Variants in GEMIN5 observed in about 807,000 individuals in gnomAD.
GEMIN5 encodes the protein gem-associated protein 5.
A neutral mutation model predicts 176.9 loss-of-function variants in GEMIN5; 124 were observed. That is an observed-to-expected ratio of 0.70 (90% CI 0.61 to 0.81). GEMIN5 has a LOEUF of 0.81. GEMIN5 is among the 40% of genes least tolerant of loss of function. The probability of loss-of-function intolerance (pLI) is 0.00; values close to 1 mark genes in which losing one functional copy is unlikely to be tolerated. For synonymous variants in GEMIN5, 673 were observed against 665.2 expected (o/e 1.01, Z -0.18); for missense variants, 1,843 against 1,814.6 (o/e 1.02, Z -0.28).
intron 26 of GEMIN5, among the ~76,000 whole-genome samples, chr5:154,890,279 CTTGAA>C (rs930573667): frequency 6.6e-6 from 1 of 152,166 alleles, no homozygotes; most frequent in African/African-American, 2.4e-5. Context: ...TTTGCCCATC[CTTGAA>C]TTGGATTATC....
In GEMIN5 at chr5:154,931,469, G is replaced by C. The variant is rs757909782; in HGVS notation, c.770C>G (p.Ser257Cys). 1 of 1,610,968 alleles carries C rather than the reference G, an allele frequency of 6.2e-7. No homozygotes were observed. The highest frequency in any genetic ancestry group is 8.5e-7 in the Non-Finnish European group (1 of 1,177,762). The stretch of plus-strand genomic sequence containing the variant: ...AAGATCAATCTTACCTCGGCCTCTA[G>C]AACAGCTCCAGATTCGAATGGTTTG... ...KDQTIRIWSC[S>C]RGRGVMILKL... The change falls in exon 5 of 28, where the codon TCT becomes TGT. Residue 257 changes from serine (S) to cysteine (C), a missense_variant. Physicochemically the swap from Ser to Cys is moderately radical, Grantham distance 112. Transcript: ENST00000285873.
At chr5:154,918,997 C>G (rs768956317) in intron 11 of GEMIN5, among the ~76,000 whole-genome samples, 1 of 152,108 alleles carries the variant, frequency 6.6e-6, no homozygotes, top group Admixed American at 6.5e-5. Context: ...GCTGAGATCG[C>G]ACCACCGCAC....
In GEMIN5 at chr5:154,927,614, GAC is replaced by G. The variant is rs1245574631; in HGVS notation, c.915-66_915-65del. Reference sequence around the variant, plus strand: ...CGATCTGAAAACAAGTGACTGTTGAGACAGAGTCTGGGCTCATAGCTGCAAAA... The same window carrying G: ...CGATCTGAAAACAAGTGACTGTTGAGAGAGTCTGGGCTCATAGCTGCAAAA... On this transcript the variant is annotated intron_variant, in intron 6 of 27. Coordinates refer to ENST00000285873, the MANE Select transcript of GEMIN5 (RefSeq NM_015465.5). The G allele has an allele frequency of 4.8e-6, 6 of 1,262,482 alleles. No individual in the cohort carries two copies. In the African/African-American group the frequency reaches 8.8e-5, roughly 19 times the overall value. 78.2% of individuals were successfully genotyped at this position (1,262,482 alleles called of 1,614,324 possible). A position where few individuals can be genotyped will look rare whatever the true frequency, so the allele number is the denominator to read the frequency against.
intron 12 of GEMIN5, 81 bp from the exon 13 acceptor site, chr5:154,917,260 C>T (rs929623146): frequency 5.4e-5 from 38 of 709,796 alleles, no homozygotes; most frequent in South Asian, 4.4e-4. Context: ...TCCCTCATTC[C>T]GTCAGTCAAG....
intron 21 of GEMIN5, among the ~76,000 whole-genome samples, chr5:154,900,588 C>T (rs1763441936): frequency 6.6e-6 from 1 of 152,102 alleles, no homozygotes. Context: ...AAAACCTGAG[C>T]AAAACCTCAG....
chr5:154,904,231 T>C (rs1424495043), intron 18 of GEMIN5, among the ~76,000 whole-genome samples: 5 of 152,092 alleles, frequency 3.3e-5, no homozygotes, highest in African/African-American at 1.2e-4. Flanking sequence ...AACATACCAA[T>C]TCTGGCACAC....
At chr5:154,918,153 T>A in intron 11 of GEMIN5, 149 bp from the exon 12 acceptor site, 1 of 608,528 alleles carries the variant, frequency 1.6e-6, no homozygotes, top group Non-Finnish European at 2.9e-6. Context: ...AGTAAAAGGA[T>A]TACTAAGAAC....
intron 9 of GEMIN5, among the ~76,000 whole-genome samples, chr5:154,922,869 TG>T (rs1763953727): frequency 1.3e-5 from 2 of 151,884 alleles, no homozygotes; most frequent in Admixed American, 1.3e-4. Context: ...GCTAATTTTT[TG>T]TATTTTTAGT....
chr5:154,924,090 T>G (rs552908331), intron 9 of GEMIN5, among the ~76,000 whole-genome samples: 1 of 152,352 alleles, frequency 6.6e-6, no homozygotes, highest in African/African-American at 2.4e-5. Flanking sequence ...ATTATTGAGA[T>G]TTTTAATTTT....
intron 16 of GEMIN5, among the ~76,000 whole-genome samples, chr5:154,906,080 T>C (rs771496779): frequency 6.6e-6 from 1 of 151,972 alleles, no homozygotes; most frequent in Non-Finnish European, 1.5e-5. Flanking sequence ...ACTGAGGCCT[T>C]AACCTCCTGG....
chr5:154,894,224 T>G (rs1006663359), intron 24 of GEMIN5, among the ~76,000 whole-genome samples: 45 of 152,156 alleles, frequency 3.0e-4, no homozygotes, highest in African/African-American at 1.0e-3. Flanking sequence ...GGATTACAGG[T>G]GTGAGCCACC....
rs780413775 is a variant in GEMIN5 at position 154,920,080 on chromosome 5, G to A, written c.1486C>T (p.Leu496Phe). Residue 496 changes from leucine to phenylalanine, a missense_variant, in exon 11 of 28, where the codon CTT becomes TTT. Leu to Phe is a conservative substitution (Grantham distance 22). Coordinates refer to ENST00000285873, the MANE Select transcript of GEMIN5 (RefSeq NM_015465.5). Reference protein sequence around the residue: ...SLGGEGDRPSLALYSCGGEGI... With the variant: ...SLGGEGDRPSFALYSCGGEGI... ...TCTCCTCCACAGCTGTATAAAGCAA[G>A]GGAAGGTCTGTCTCCTTCTCCTCCT... The A allele has an allele frequency of 5.6e-6, 9 of 1,612,832 alleles. No homozygotes were observed. Among genetic ancestry groups the A allele is most frequent in the South Asian group, 4.4e-5 (4 of 90,932 alleles).
rs1171289283 is a variant in GEMIN5, at chr5:154,898,626, A to G, written c.3159T>C (p.Tyr1053=). 9.3e-6 allele frequency: 15 copies of G among 1,613,706 alleles called. No homozygotes were observed. In the Admixed American group the frequency reaches 2.5e-4, roughly 27 times the overall value. ...AKCYLGATCA[Y]DAAKVLAKKG... is the part of the protein sequence containing the mutation. ...TTTTGGCCAAAACTTTGGCTGCATC[A>G]TAAGCACAAGTGGCCCCTAAATAGC... Residue 1053 remains tyrosine, a synonymous_variant, in exon 23 of 28, where the codon TAT becomes TAC. Coordinates refer to ENST00000285873, the MANE Select transcript of GEMIN5 (RefSeq NM_015465.5).
intron 19 of GEMIN5, 26 bp downstream of exon 19, chr5:154,903,054 G>A (rs1238627896): frequency 7.3e-7 from 1 of 1,376,150 alleles, no homozygotes; most frequent in Non-Finnish European, 1.0e-6. Context: ...AGATGGATGA[G>A]ATTATGTTGA....
intron 17 of GEMIN5, 81 bp downstream of exon 17, chr5:154,905,282 T>G: frequency 3.2e-6 from 2 of 618,120 alleles, no homozygotes; most frequent in East Asian, 2.9e-5. Context: ...AACCACACTG[T>G]TTTTTGACAG....
chr5:154,899,335 G>A, intron 21 of GEMIN5, 25 bp from the exon 22 acceptor site: 1 of 1,585,620 alleles, frequency 6.3e-7, no homozygotes, highest in South Asian at 1.2e-5. Context: ...AGACCCTTTA[G>A]CCAATCTGAA....
At chr5:154,899,051 CT>C in intron 22 of GEMIN5, 139 bp downstream of exon 22, 2 of 791,140 alleles carry the variant, frequency 2.5e-6, no homozygotes, top group Non-Finnish European at 4.0e-6. Flanking sequence ...TCTTATGAAA[CT>C]AAGTTGAATA....
intron 13 of GEMIN5, among the ~76,000 whole-genome samples, chr5:154,913,495 C>T (rs950192985): frequency 5.9e-5 from 9 of 152,118 alleles, no homozygotes; most frequent in African/African-American, 2.2e-4. Flanking sequence ...AAACGAGTGC[C>T]CTATCTTCCT....
intron 1 of GEMIN5, among the ~76,000 whole-genome samples, chr5:154,937,496 G>GA (rs757824452): frequency 3.1e-4 from 47 of 152,192 alleles, no homozygotes; most frequent in Non-Finnish European, 6.3e-4. Flanking sequence ...GATGTGGCCA[G>GA]AATAAATCAC....
Sources: gnomAD v4.1 joint callset for allele counts (sites outside exome capture counted in the v4.1 genomes callset) on GRCh38, gnomAD v4.1.1 for gene constraint, MANE v1.5 for transcripts, NCBI Gene and HGNC (gene_info 2026-07-23, HGNC 2026-07-21) for gene names.